The following KCNAB1 variants were observed in gnomAD, a reference collection of about 807,000 sequenced individuals.
KCNAB1 encodes potassium voltage-gated channel subfamily A regulatory beta subunit 1, also known as voltage-gated potassium channel subunit beta-1.
In KCNAB1, 35 loss-of-function variants were observed where a neutral mutation model predicts 64.6. That is an observed-to-expected ratio of 0.54 (90% CI 0.41 to 0.72). KCNAB1 has a LOEUF of 0.72. KCNAB1 is among the 30% of genes least tolerant of loss of function. The pLI, the probability that KCNAB1 is intolerant of heterozygous loss-of-function variation, is 0.00. For missense variants in KCNAB1, 401 were observed against 512.9 expected, an observed-to-expected ratio of 0.78 and a Z score of 2.11; for synonymous variants, 177 against 183.8, an observed-to-expected ratio of 0.96 and a Z score of 0.30.
intron 1 of KCNAB1, among the ~76,000 whole-genome samples, chr3:156,270,254 G>A (rs528946294): frequency 6.6e-6 from 1 of 152,120 alleles, no homozygotes; most frequent in South Asian, 2.1e-4. Flanking sequence ...TATGTATTTT[G>A]ACTGGAGAGT....
At chr3:156,350,419 G>A (rs773429530) in intron 1 of KCNAB1, among the ~76,000 whole-genome samples, 6 of 151,410 alleles carry the variant, frequency 4.0e-5, no homozygotes, top group Admixed American at 1.3e-4. Context: ...ATGGCAGAAC[G>A]TGCCTATAGT....
At chr3:156,481,330 G>A (rs1043031373) in intron 8 of KCNAB1, among the ~76,000 whole-genome samples, 3 of 150,878 alleles carry the variant, frequency 2.0e-5, no homozygotes, top group African/African-American at 7.3e-5. Context: ...TGGTTTGAAA[G>A]CCCGGGACAG....
chr3:156,246,059 T>A (rs73014113), intron 1 of KCNAB1, among the ~76,000 whole-genome samples: 2,285 of 152,164 alleles, frequency 0.015, 74 homozygotes, highest in African/African-American at 0.053. Flanking sequence ...TCTGCAGAGA[T>A]GAAGAATTAA....
chr3:156,388,877 G>A (rs919580428), intron 1 of KCNAB1, among the ~76,000 whole-genome samples: 2 of 152,184 alleles, frequency 1.3e-5, no homozygotes, highest in African/African-American at 4.8e-5. Flanking sequence ...GCTTTGACAA[G>A]TCTGTCCTTT....
At chr3:156,469,684 A>T (rs1713735091) in intron 7 of KCNAB1, among the ~76,000 whole-genome samples, 1 of 152,186 alleles carries the variant, frequency 6.6e-6, no homozygotes, top group East Asian at 1.9e-4. Flanking sequence ...AACTTTTGAG[A>T]TGGAAGAAGA....
chr3:156,297,678 G>T (rs1048484669), intron 1 of KCNAB1, among the ~76,000 whole-genome samples: 1 of 152,022 alleles, frequency 6.6e-6, no homozygotes. Context: ...TACCTCCCAC[G>T]AATGGTGGGT....
chr3:156,360,228 C>G (rs918025973), intron 1 of KCNAB1, among the ~76,000 whole-genome samples: 2 of 152,158 alleles, frequency 1.3e-5, no homozygotes, highest in Non-Finnish European at 2.9e-5. Context: ...CTGAGTTTCT[C>G]CCAGCTCTGG....
chr3:156,338,397 G>A (rs1723879240), intron 1 of KCNAB1, among the ~76,000 whole-genome samples: 3 of 131,572 alleles, frequency 2.3e-5, no homozygotes, highest in Admixed American at 8.8e-5. Flanking sequence ...CGCAACCTCC[G>A]CCTCCCGGGT....
chr3:156,458,342 C>T lies in KCNAB1; in HGVS notation c.437+810C>T, dbSNP rs1007227484. On this transcript the variant is annotated intron_variant, in intron 4 of 13. Transcript: ENST00000490337. The stretch of plus-strand genomic sequence containing the variant: ...GAATAGATCTGGGGCTCCCTGGCCT[C>T]CTACTGGGAACATGGATGTCCAGCT... Among the ~76,000 whole-genome samples, 4 of 152,226 alleles carry T rather than the reference C, an allele frequency of 2.6e-5. No homozygotes were observed. The East Asian group carries it at 7.7e-4, about 29-fold the overall frequency.
In KCNAB1 at chr3:156,120,868, C is replaced by T; in HGVS notation, c.257C>T (p.Thr86Ile). The change falls in exon 1 of 14, where the codon ACC becomes ATC. Residue 86 changes from threonine to isoleucine, a missense_variant. Thr to Ile is a moderately conservative substitution (Grantham distance 89). Transcript: ENST00000490337. Reference protein sequence around the residue: ...DLSSEHTTVCTTGMPHRNLGK... With the variant: ...DLSSEHTTVCITGMPHRNLGK... ...TCCAGCGAGCACACCACCGTCTGCA[C>T]CACAGGCATGCCGCACAGGTAAGCT... The T allele has an allele frequency of 1.2e-6, 2 of 1,614,112 alleles. No homozygotes were observed. The highest frequency in any genetic ancestry group is 1.7e-6 in the Non-Finnish European group (2 of 1,180,028).
intron 4 of KCNAB1, 66 bp downstream of exon 4, chr3:156,457,598 A>G: frequency 7.4e-7 from 1 of 1,358,748 alleles, no homozygotes; most frequent in Non-Finnish European, 1.1e-6. Context: ...AGCCCAGACC[A>G]TTTCCAGCAT....
At chr3:156,147,916 A>G (rs892411069) in intron 1 of KCNAB1, among the ~76,000 whole-genome samples, 1 of 143,242 alleles carries the variant, frequency 7.0e-6, no homozygotes, top group Non-Finnish European at 1.5e-5. Flanking sequence ...CCAGCTCCCC[A>G]ACCTCCATCC....
intron 1 of KCNAB1, among the ~76,000 whole-genome samples, chr3:156,184,400 G>A (rs1267165454): frequency 6.6e-6 from 1 of 152,196 alleles, no homozygotes; most frequent in Non-Finnish European, 1.5e-5. Context: ...GCCAGAGTGT[G>A]ATTAGTAAGG....
At chr3:156,143,569 G>GTTTTTTTTTTT (rs56216211) in intron 1 of KCNAB1, 8 of 297,052 alleles carry the variant, frequency 2.7e-5, no homozygotes, top group South Asian at 1.5e-4. Context: ...TTGCATTCTT[G>GTTTTTTTTTTT]TTTTTTTTTT....
intron 4 of KCNAB1, among the ~76,000 whole-genome samples, chr3:156,459,276 C>T (rs1712701148): frequency 6.6e-6 from 1 of 152,148 alleles, no homozygotes; most frequent in South Asian, 2.1e-4. Flanking sequence ...AAGGACACTT[C>T]GTTATGTCTT....
At chr3:156,227,406 C>T (rs1049674776) in intron 1 of KCNAB1, among the ~76,000 whole-genome samples, 1 of 151,980 alleles carries the variant, frequency 6.6e-6, no homozygotes, top group African/African-American at 2.4e-5. Flanking sequence ...ATCAATGTTG[C>T]AATAAAGTGG....
intron 1 of KCNAB1, among the ~76,000 whole-genome samples, chr3:156,399,211 G>A (rs1050128910): frequency 4.6e-5 from 7 of 152,178 alleles, no homozygotes; most frequent in Non-Finnish European, 8.8e-5. Context: ...TTCCCAAGGA[G>A]CCTGCAATCT....
chr3:156,325,053 C>T (rs902780501), intron 1 of KCNAB1, among the ~76,000 whole-genome samples: 1 of 152,116 alleles, frequency 6.6e-6, no homozygotes, highest in African/African-American at 2.4e-5. Flanking sequence ...TAACAACTTT[C>T]ATTTATGGAG....
intron 1 of KCNAB1, among the ~76,000 whole-genome samples, chr3:156,219,356 A>G (rs1376603622): frequency 6.6e-6 from 1 of 152,078 alleles, no homozygotes; most frequent in Non-Finnish European, 1.5e-5. Flanking sequence ...AGCAGAAGAA[A>G]GAACTTCAGA....
Sources: gnomAD v4.1 joint callset for allele counts (sites outside exome capture counted in the v4.1 genomes callset) on GRCh38, gnomAD v4.1.1 for gene constraint, MANE v1.5 for transcripts, NCBI Gene and HGNC (gene_info 2026-07-23, HGNC 2026-07-21) for gene names.